BRCA2: variants seen among roughly 807,000 people sequenced by gnomAD.
BRCA2 encodes the protein BRCA2 DNA repair associated.
In BRCA2, 203 loss-of-function variants were observed where a neutral mutation model predicts 276.7. That is an observed-to-expected ratio of 0.73 (90% CI 0.65 to 0.82). BRCA2 has a LOEUF of 0.82. BRCA2 is among the 40% of genes least tolerant of loss of function. BRCA2 has a pLI of 0.00. For missense variants in BRCA2, 3,920 were observed against 3,915.0 expected, an observed-to-expected ratio of 1.00 and a Z score of -0.03; for synonymous variants, 1,289 against 1,338.4, an observed-to-expected ratio of 0.96 and a Z score of 0.81.
chr13:32,327,503 C>T (rs1437380165), intron 7 of BRCA2, among the ~76,000 whole-genome samples: 1 of 151,820 alleles, frequency 6.6e-6, no homozygotes, highest in Non-Finnish European at 1.5e-5. Flanking sequence ...AACCCTGTCT[C>T]TATTAAAATA....
At position 32,379,900 on chromosome 13, in the gene BRCA2, A is replaced by G. The variant is rs80359165; in HGVS notation, c.9104A>G (p.Tyr3035Cys). ...IQLAATKKTQ[Y>C]QQLPVSDEIL... ...TTAGCAGCGACAAAAAAAACTCAGT[A>G]TCAACAACTACCGGTACAAACCTTT... Residue 3035 changes from tyrosine to cysteine, a missense_variant, in exon 23 of 27, where the codon TAT becomes TGT. Physicochemically the swap from Tyr to Cys is radical, Grantham distance 194 (BLOSUM62 -2). Transcript: ENST00000380152. The G allele has an allele frequency of 6.8e-5, 110 of 1,613,654 alleles. No individual in the cohort carries two copies. Among genetic ancestry groups the G allele is most frequent in the East Asian group, 1.3e-4 (6 of 44,850 alleles).
rs1183489363 is a variant in BRCA2, at chr13:32,339,562, A to G, written c.5207A>G (p.Gln1736Arg). 1 of 1,608,392 alleles carries G rather than the reference A, an allele frequency of 6.2e-7. No homozygotes were observed. The highest frequency in any genetic ancestry group is 8.5e-7 in the Non-Finnish European group (1 of 1,176,650). The part of the protein sequence containing the change: ...ENDKNHLSEK[Q>R]DTYLSNSSMS... ...GACAAAAATCATCTCTCCGAAAAAC[A>G]AGATACTTATTTAAGTAACAGTAGC... is the stretch of plus-strand genomic sequence containing the variant. Residue 1736 changes from glutamine (Q) to arginine (R), a missense_variant, in exon 11 of 27, where the codon CAA (glutamine) becomes CGA (arginine). Gln to Arg is a conservative substitution (Grantham distance 43). Coordinates refer to ENST00000380152, the MANE Select transcript of BRCA2 (RefSeq NM_000059.4).
chr13:32,365,632 C>G (rs1445311483), intron 18 of BRCA2, among the ~76,000 whole-genome samples: 2 of 151,938 alleles, frequency 1.3e-5, no homozygotes, highest in Non-Finnish European at 2.9e-5. Context: ...CCTGCCTCAG[C>G]CTCCCAAAGT....
At chr13:32,368,602 C>G (rs1380597832) in intron 18 of BRCA2, among the ~76,000 whole-genome samples, 2 of 151,324 alleles carry the variant, frequency 1.3e-5, no homozygotes, top group South Asian at 2.1e-4. Context: ...ATTCACTGAT[C>G]CAGAAGTTGT....
intron 18 of BRCA2, among the ~76,000 whole-genome samples, chr13:32,369,099 C>T (rs1479111631): frequency 6.6e-6 from 1 of 152,044 alleles, no homozygotes; most frequent in Non-Finnish European, 1.5e-5. Context: ...TGAGCCACAG[C>T]GCCCGGCCCA....
At chr13:32,385,135 C>A (rs2072949894) in intron 24 of BRCA2, 2 of 233,022 alleles carry the variant, frequency 8.6e-6, no homozygotes, top group Non-Finnish European at 9.1e-6. Context: ...GAATTATGAA[C>A]AGGCCAAGGC....
At chr13:32,363,081 A>G in intron 17 of BRCA2, 98 bp from the exon 18 acceptor site, 1 of 1,011,716 alleles carries the variant, frequency 9.9e-7, no homozygotes, top group Non-Finnish European at 1.5e-6. Flanking sequence ...TTTCTTAGAT[A>G]AATTCAGTTT....
intron 24 of BRCA2, among the ~76,000 whole-genome samples, chr13:32,392,628 C>A (rs2073004983): frequency 1.3e-5 from 2 of 151,564 alleles, no homozygotes; most frequent in Non-Finnish European, 1.5e-5. Flanking sequence ...TTATTTTGAA[C>A]TAATTTCAGA....
chr13:32,344,014 C>A (rs1038900366), intron 11 of BRCA2, among the ~76,000 whole-genome samples: 4 of 151,934 alleles, frequency 2.6e-5, no homozygotes, highest in Non-Finnish European at 5.9e-5. Context: ...ATGGTTTAAT[C>A]TTACCCTCTT....
Position 32,337,852 on chromosome 13 carries a change from T to C in BRCA2, c.3497T>C (p.Val1166Ala), listed in dbSNP as rs762886975. The part of the protein sequence containing the change: ...SEECRDADLH[V>A]IMNAPSIGQV... ...GAATGCAGAGATGCTGATCTTCATG[T>C]CATAATGAATGCCCCATCGATTGGT... The change falls in exon 11 of 27, where the codon GTC becomes GCC. Residue 1166 changes from valine to alanine, a missense_variant. This residue lies in a region of BRCA2 where 3,263 missense variants were observed against 3,156.9 expected (regional missense o/e 1.03). Coordinates refer to ENST00000380152, the MANE Select transcript of BRCA2 (RefSeq NM_000059.4). 3 of 1,614,082 alleles carry C rather than the reference T, an allele frequency of 1.9e-6. No homozygotes were observed. Among genetic ancestry groups the C allele is most frequent in the Non-Finnish European group, 2.5e-6 (3 of 1,179,982 alleles).
rs1060504633 is a variant in BRCA2, at chr13:32,333,182, A to G, written c.1704A>G (p.Thr568=). The change falls in exon 10 of 27, where the codon ACA becomes ACG. Residue 568 remains threonine (T), a synonymous_variant. Transcript: ENST00000380152. ...ATGGAAGCTGGCCAGCCACCACCACACAGAATTCTGTAGCTTTGAAGAATG... is the reference window on the plus strand; with the variant it reads ...ATGGAAGCTGGCCAGCCACCACCACGCAGAATTCTGTAGCTTTGAAGAATG... ...IDNGSWPATT[T]QNSVALKNAG... is the part of the protein sequence containing the mutation. The G allele has an allele frequency of 6.2e-7, 1 of 1,613,964 alleles. No homozygotes were observed. The highest frequency in any genetic ancestry group is 8.5e-7 in the Non-Finnish European group (1 of 1,179,900).
intron 13 of BRCA2, among the ~76,000 whole-genome samples, chr13:32,349,296 C>A: frequency 6.9e-6 from 1 of 144,724 alleles, no homozygotes; most frequent in African/African-American, 2.6e-5. Context: ...TTTACCAAAA[C>A]ATCATTGAAG....
At chr13:32,359,441 A>G (rs2072724405) in intron 16 of BRCA2, among the ~76,000 whole-genome samples, 1 of 152,176 alleles carries the variant, frequency 6.6e-6, no homozygotes, top group African/African-American at 2.4e-5. Context: ...TAGAAACTAT[A>G]TAACCTCTTT....
intron 18 of BRCA2, among the ~76,000 whole-genome samples, chr13:32,368,327 A>C (rs1566247777): frequency 6.6e-6 from 1 of 152,072 alleles, no homozygotes; most frequent in Non-Finnish European, 1.5e-5. Flanking sequence ...GAAAAGGATT[A>C]CAGCCCTTTT....
In BRCA2 at chr13:32,354,955, T is replaced by G. The variant is rs397507382; in HGVS notation, c.7102T>G (p.Leu2368Val). The G allele has an allele frequency of 1.7e-5, 28 of 1,613,576 alleles. No individual in the cohort carries two copies. In the East Asian group the frequency reaches 5.6e-4, roughly 32 times the overall value. Residue 2368 changes from leucine to valine, a missense_variant, in exon 14 of 27, where the codon TTG (leucine) becomes GTG (valine). Coordinates refer to ENST00000380152, the MANE Select transcript of BRCA2 (RefSeq NM_000059.4). Reference protein sequence around the residue: ...SKSHLYEHLTLEKSSSNLAVS... With the variant: ...SKSHLYEHLTVEKSSSNLAVS... ...ATCTCATTTGTATGAACATCTGACT[T>G]TGGAAAAATCTTCAAGCAATTTAGC...
chr13:32,380,534 CTTTTTTTTTTT>C (rs11451886), intron 24 of BRCA2, among the ~76,000 whole-genome samples: 1 of 101,732 alleles, frequency 9.8e-6, no homozygotes, highest in Non-Finnish European at 1.9e-5. Flanking sequence ...CAGAGTCAAG[CTTTTTTTTTTT>C]TTTTTTTTTC....
chr13:32,337,791 G>T lies in BRCA2; in HGVS notation c.3436G>T (p.Glu1146Ter), dbSNP rs1237049560. Residue 1146 changes from glutamate (E) to a stop codon, truncating the protein, a stop_gained, in exon 11 of 27, where the codon GAA becomes TAA. Coordinates refer to ENST00000380152, the MANE Select transcript of BRCA2 (RefSeq NM_000059.4). LOFTEE classifies it high-confidence loss of function. ...ILQKSTFEVPENQMTILKTTS... is the reference protein window; with the variant it reads ...ILQKSTFEVP ...GCAGAAGAGTACATTTGAAGTGCCT[G>T]AAAACCAGATGACTATCTTAAAGAC... 1 of 1,614,042 alleles carries T rather than the reference G, an allele frequency of 6.2e-7. No homozygotes were observed. Among genetic ancestry groups the T allele is most frequent in the Admixed American group, 1.7e-5 (1 of 60,022 alleles).
Position 32,339,782 on chromosome 13 carries a change from C to T in BRCA2, c.5427C>T (p.Cys1809=), listed in dbSNP as rs80359791. 75 of 1,613,728 alleles carry T rather than the reference C, an allele frequency of 4.6e-5. No individual in the cohort carries two copies. Among genetic ancestry groups the T allele is most frequent in the South Asian group, 4.4e-4 (40 of 91,058 alleles). Residue 1809 remains cysteine (C), a synonymous_variant, in exon 11 of 27, where the codon TGC becomes TGT. Transcript: ENST00000380152. ...CACAAACTGTAAATGAAGATATTTG[C>T]GTTGAGGAACTTGTGACTAGCTCTT... The part of the protein sequence containing the change: ...AYPQTVNEDI[C]VEELVTSSSP...
In BRCA2 at chr13:32,332,280, A is replaced by G; in HGVS notation, c.802A>G (p.Lys268Glu). 1 of 1,603,240 alleles carries G rather than the reference A, an allele frequency of 6.2e-7. No homozygotes were observed. Among genetic ancestry groups the G allele is most frequent in the Non-Finnish European group, 8.5e-7 (1 of 1,173,884 alleles). The change falls in exon 10 of 27, where the codon AAA becomes GAA. Residue 268 changes from lysine to glutamate, a missense_variant. This residue lies in a region of BRCA2 where 3,263 missense variants were observed against 3,156.9 expected (regional missense o/e 1.03). Transcript: ENST00000380152. ...GTTTTATACTTTAACAGGATTTGGA[A>G]AAACATCAGGGAATTCATTTAAAGT... ...QREAASHGFGKTSGNSFKVNS... is the reference protein window; with the variant it reads ...QREAASHGFGETSGNSFKVNS...
Sources: gnomAD v4.1 joint callset for allele counts (sites outside exome capture counted in the v4.1 genomes callset) on GRCh38, gnomAD v4.1.1 for gene constraint, gnomAD v4.1.1 regional missense constraint, MANE v1.5 for transcripts, NCBI Gene and HGNC (gene_info 2026-07-23, HGNC 2026-07-21) for gene names.